PTK2B: variants seen among roughly 807,000 people sequenced by gnomAD.
The protein encoded by PTK2B is protein-tyrosine kinase 2-beta.
PTK2B carries 71 observed loss-of-function variants against 142.9 expected under a neutral mutation model. That is an observed-to-expected ratio of 0.50 (90% CI 0.41 to 0.61). The LOEUF (loss-of-function observed/expected upper bound fraction) is 0.61. Among genes scored for constraint, PTK2B ranks in the 20% least tolerant of loss-of-function variants. The pLI is 0.00. For synonymous variants in PTK2B, 519 were observed against 503.4 expected, an observed-to-expected ratio of 1.03 and a Z score of -0.42; for missense variants, 1,105 against 1,320.4, an observed-to-expected ratio of 0.84 and a Z score of 2.53.
At chr8:27,417,289 A>G (rs570321745) in intron 2 of PTK2B, among the ~76,000 whole-genome samples, 1 of 152,366 alleles carries the variant, frequency 6.6e-6, no homozygotes, top group South Asian at 2.1e-4. Context: ...ATGCAACAAC[A>G]TGATGGATCT....
At chr8:27,311,404 GA>G (rs758459992), upstream of PTK2B, 138 of 849,838 alleles carry the variant, frequency 1.6e-4, no homozygotes, top group African/African-American at 2.2e-3. Context: ...GAGGGGGAGG[GA>G]GGGGGCGCTC....
intron 1 of PTK2B, among the ~76,000 whole-genome samples, chr8:27,354,215 G>T (rs1586146376): frequency 6.6e-6 from 1 of 152,256 alleles, no homozygotes; most frequent in South Asian, 2.1e-4. Flanking sequence ...CCAAGCTAAA[G>T]TAAAAATGCC....
At chr8:27,342,588 T>C (rs1433879610) in intron 1 of PTK2B, among the ~76,000 whole-genome samples, 2 of 152,182 alleles carry the variant, frequency 1.3e-5, no homozygotes, top group African/African-American at 4.8e-5. Flanking sequence ...AGACTGCCTC[T>C]CCCAGGCTTC....
intron 1 of PTK2B, among the ~76,000 whole-genome samples, chr8:27,326,034 A>T (rs1803391607): frequency 6.6e-6 from 1 of 152,024 alleles, no homozygotes; most frequent in African/African-American, 2.4e-5. Flanking sequence ...TTAGGGAGCC[A>T]CGGGGTTTCA....
chr8:27,395,862 G>A (rs1183577101), intron 1 of PTK2B, among the ~76,000 whole-genome samples: 1 of 152,156 alleles, frequency 6.6e-6, no homozygotes, highest in African/African-American at 2.4e-5. Context: ...TGGATTCCTT[G>A]TTGAAGGTCA....
intron 11 of PTK2B, 102 bp downstream of exon 11, chr8:27,433,654 A>T: frequency 9.9e-7 from 1 of 1,010,212 alleles, no homozygotes. Context: ...GGATAAGTGA[A>T]TGAGGATTCT....
intron 2 of PTK2B, among the ~76,000 whole-genome samples, chr8:27,403,812 TTC>T (rs1205966977): frequency 6.6e-6 from 1 of 151,980 alleles, no homozygotes; most frequent in African/African-American, 2.4e-5. Flanking sequence ...TTCTTCTTTC[TTC>T]TGTCTTCTTT....
chr8:27,454,338 C>T (rs1482088911), intron 29 of PTK2B, 47 bp downstream of exon 29: 1 of 1,596,172 alleles, frequency 6.3e-7, no homozygotes, highest in Non-Finnish European at 8.5e-7. Flanking sequence ...TCAAGTCCGC[C>T]CTGGAAGGAA....
In PTK2B at chr8:27,454,134, C is replaced by T; in HGVS notation, c.2596-20C>T. ...CCCTGGCTCTCCCCAACTCACTGGCCACCTGCGTCTTCCCCTCAGTCCATC... is the reference window on the plus strand; with the variant it reads ...CCCTGGCTCTCCCCAACTCACTGGCTACCTGCGTCTTCCCCTCAGTCCATC... On this transcript the variant is annotated intron_variant, in intron 28 of 30. Coordinates refer to ENST00000346049, the MANE Select transcript of PTK2B (RefSeq NM_173176.3). 1.2e-6 allele frequency: 2 copies of T among 1,613,850 alleles called. No individual in the cohort carries two copies. The highest frequency in any genetic ancestry group is 2.2e-5 in the East Asian group (1 of 44,870).
At chr8:27,451,748 C>T in intron 27 of PTK2B, 1 of 1,377,922 alleles carries the variant, frequency 7.3e-7, no homozygotes, top group Non-Finnish European at 9.4e-7. Context: ...TCCTTAGGCC[C>T]CTCCTCAGAT....
intron 1 of PTK2B, among the ~76,000 whole-genome samples, chr8:27,336,422 T>G (rs138613571): frequency 2.0e-5 from 3 of 152,124 alleles, no homozygotes; most frequent in Non-Finnish European, 2.9e-5. Context: ...GTATGGAGAG[T>G]CACTGTTACA....
chr8:27,359,534 G>T (rs1018334441), intron 1 of PTK2B, among the ~76,000 whole-genome samples: 1 of 152,108 alleles, frequency 6.6e-6, no homozygotes, highest in South Asian at 2.1e-4. Flanking sequence ...TGTATGGATC[G>T]TCACTGTGAA....
At chr8:27,397,835 T>C in intron 2 of PTK2B, 47 bp downstream of exon 2, 1 of 1,600,294 alleles carries the variant, frequency 6.2e-7, no homozygotes, top group Non-Finnish European at 8.6e-7. Context: ...CCCTCTGTCT[T>C]CTTCCTGGGC....
At chr8:27,456,864 T>C (rs1273799629) in intron 30 of PTK2B, among the ~76,000 whole-genome samples, 1 of 152,208 alleles carries the variant, frequency 6.6e-6, no homozygotes, top group Non-Finnish European at 1.5e-5. Context: ...CATCCCCTTA[T>C]GCCAAAGCCT....
chr8:27,317,660 G>A (rs531042688), intron 3 of PTK2B, among the ~76,000 whole-genome samples: 1 of 152,298 alleles, frequency 6.6e-6, no homozygotes, highest in African/African-American at 2.4e-5. Flanking sequence ...TTTTCTGCAT[G>A]GCAATAGACT....
At chr8:27,394,854 C>T (rs530266669) in intron 1 of PTK2B, among the ~76,000 whole-genome samples, 30 of 152,056 alleles carry the variant, frequency 2.0e-4, no homozygotes, top group African/African-American at 6.0e-4. Flanking sequence ...ACTTTTTAAA[C>T]GTTTTTATTA....
At chr8:27,397,085 ACTT>A (rs757989424) in intron 1 of PTK2B, among the ~76,000 whole-genome samples, 5 of 152,088 alleles carry the variant, frequency 3.3e-5, no homozygotes, top group Middle Eastern at 3.4e-3. Flanking sequence ...CCTCGGGGCC[ACTT>A]CTTCTCCAAT....
At chr8:27,432,811 T>C (rs1810522881) in intron 10 of PTK2B, among the ~76,000 whole-genome samples, 1 of 151,822 alleles carries the variant, frequency 6.6e-6, no homozygotes. Context: ...CCCCATTGCC[T>C]CCCCTTCCTC....
intron 2 of PTK2B, among the ~76,000 whole-genome samples, chr8:27,401,053 C>A (rs1168774837): frequency 6.6e-6 from 1 of 152,170 alleles, no homozygotes; most frequent in Non-Finnish European, 1.5e-5. Flanking sequence ...GCAAGACAAT[C>A]ACTTGAACCT....
Sources: gnomAD v4.1 joint callset for allele counts (sites outside exome capture counted in the v4.1 genomes callset) on GRCh38, gnomAD v4.1.1 for gene constraint, MANE v1.5 for transcripts, NCBI Gene and HGNC (gene_info 2026-07-23, HGNC 2026-07-21) for gene names.